The following GRID2 variants were observed in gnomAD, a reference collection of about 807,000 sequenced individuals.
GRID2 encodes glutamate ionotropic receptor delta type subunit 2, also known as glutamate receptor ionotropic, delta-2.
GRID2 carries 33 observed loss-of-function variants against 114.8 expected under a neutral mutation model. The observed-to-expected ratio is 0.29, with a 90% CI of 0.22 to 0.38. The LOEUF is 0.38. GRID2 is among the 10% of genes least tolerant of loss of function. The pLI, the probability that GRID2 is intolerant of heterozygous loss-of-function variation, is 1.00. For missense variants in GRID2, 1,184 were observed against 1,257.7 expected (o/e 0.94, Z 0.89); for synonymous variants, 505 against 449.9 (o/e 1.12, Z -1.55).
At chr4:92,766,848 A>G (rs1738293970) in intron 2 of GRID2, among the ~76,000 whole-genome samples, 1 of 152,152 alleles carries the variant, frequency 6.6e-6, no homozygotes, top group Non-Finnish European at 1.5e-5. Context: ...TCACAGATTG[A>G]TTTTAGATGT....
At chr4:93,296,292 A>T (rs988969379) in intron 8 of GRID2, among the ~76,000 whole-genome samples, 5 of 151,562 alleles carry the variant, frequency 3.3e-5, no homozygotes, top group African/African-American at 4.8e-5. Flanking sequence ...GGATTTACGG[A>T]TCCCCCCCTC....
At chr4:93,570,966 C>G (rs1052237043) in intron 13 of GRID2, among the ~76,000 whole-genome samples, 1 of 152,108 alleles carries the variant, frequency 6.6e-6, no homozygotes, top group African/African-American at 2.4e-5. Context: ...GCCTTTCTTT[C>G]ATTCATCCAT....
intron 14 of GRID2, among the ~76,000 whole-genome samples, chr4:93,671,483 C>T (rs1442875269): frequency 6.6e-6 from 1 of 152,060 alleles, no homozygotes; most frequent in African/African-American, 2.4e-5. Context: ...TGGGTGTGAG[C>T]TCTGCCACTG....
chr4:92,592,718 T>G (rs1250992653), intron 2 of GRID2, among the ~76,000 whole-genome samples: 2 of 152,098 alleles, frequency 1.3e-5, no homozygotes, highest in African/African-American at 4.8e-5. Context: ...CTTTGGGTAA[T>G]AAACCTGAAA....
At chr4:92,314,045 T>A (rs1454996874) in intron 1 of GRID2, among the ~76,000 whole-genome samples, 1 of 152,140 alleles carries the variant, frequency 6.6e-6, no homozygotes, top group African/African-American at 2.4e-5. Context: ...TCAACTTATA[T>A]AATTCCTGAG....
At chr4:93,703,849 T>A (rs1293280679) in intron 14 of GRID2, among the ~76,000 whole-genome samples, 3 of 152,140 alleles carry the variant, frequency 2.0e-5, no homozygotes, top group Non-Finnish European at 4.4e-5. Context: ...GGCTGCATAG[T>A]ATTCCATGGT....
chr4:92,984,084 A>G lies in GRID2; in HGVS notation c.245-100911A>G, dbSNP rs547194991. On this transcript the variant is annotated intron_variant, in intron 2 of 15. Coordinates refer to ENST00000282020, the MANE Select transcript of GRID2 (RefSeq NM_001510.4). ...ATCTGTGATGTTTCTTCTAATTCAA[A>G]TAAAGTACAGCTATAAATATTTTTC... 7.2e-5 allele frequency among the ~76,000 whole-genome samples: 11 copies of G among 152,324 alleles called. No homozygotes were observed. The South Asian group carries it at 8.3e-4, about 11-fold the overall frequency.
chr4:93,594,556 C>T (rs1017831994), intron 13 of GRID2, among the ~76,000 whole-genome samples: 3 of 152,168 alleles, frequency 2.0e-5, no homozygotes, highest in African/African-American at 7.2e-5. Flanking sequence ...GGCAGGCAGG[C>T]CTCCTTGAGC....
At chr4:93,314,188 C>T (rs745634680) in intron 8 of GRID2, among the ~76,000 whole-genome samples, 25 of 151,344 alleles carry the variant, frequency 1.7e-4, no homozygotes, top group Non-Finnish European at 3.2e-4. Flanking sequence ...GCCTGTAGTC[C>T]CAGCTACTCA....
intron 1 of GRID2, among the ~76,000 whole-genome samples, chr4:92,472,940 G>T (rs1722115363): frequency 6.6e-6 from 1 of 151,750 alleles, no homozygotes; most frequent in Admixed American, 6.6e-5. Flanking sequence ...TTTTTTATGG[G>T]CTTTTATTTT....
chr4:92,767,666 G>A (rs1049910054), intron 2 of GRID2, among the ~76,000 whole-genome samples: 2 of 151,962 alleles, frequency 1.3e-5, no homozygotes, highest in African/African-American at 4.8e-5. Context: ...CAGGAGAATC[G>A]CTTGAACCTG....
At chr4:93,215,924 A>G (rs1203650115) in intron 5 of GRID2, among the ~76,000 whole-genome samples, 1 of 152,080 alleles carries the variant, frequency 6.6e-6, no homozygotes, top group East Asian at 1.9e-4. Flanking sequence ...CAAAGACTTC[A>G]TTCGTTGTAA....
intron 14 of GRID2, among the ~76,000 whole-genome samples, chr4:93,632,333 G>T (rs1185107095): frequency 3.3e-5 from 5 of 152,116 alleles, no homozygotes; most frequent in African/African-American, 4.8e-5. Context: ...TTTCTTCTAG[G>T]GTTTTTATGG....
At position 92,499,560 on chromosome 4, in the gene GRID2, A is replaced by G. The variant is rs538367728; in HGVS notation, c.89-90571A>G. Reference sequence around the variant, plus strand: ...CAAATGGAAGAAGCTCATATTGAGCATTTTAAATAAATAGTGTAGGTAGGT... The same window carrying G: ...CAAATGGAAGAAGCTCATATTGAGCGTTTTAAATAAATAGTGTAGGTAGGT... On this transcript the variant is annotated intron_variant, in intron 1 of 15. Coordinates refer to ENST00000282020, the MANE Select transcript of GRID2 (RefSeq NM_001510.4). Among the ~76,000 whole-genome samples the G allele has an allele frequency of 2.0e-5, 3 of 152,302 alleles. No individual in the cohort carries two copies. In the East Asian group the frequency reaches 5.8e-4, roughly 29 times the overall value.
intron 2 of GRID2, among the ~76,000 whole-genome samples, chr4:92,876,259 C>A (rs1057382674): frequency 2.7e-5 from 4 of 150,354 alleles, no homozygotes; most frequent in Non-Finnish European, 5.9e-5. Context: ...ATTAAAAAAA[C>A]CCAATTATCT....
intron 2 of GRID2, among the ~76,000 whole-genome samples, chr4:92,686,067 ACT>A (rs774856524): frequency 6.8e-4 from 104 of 152,004 alleles, no homozygotes; most frequent in African/African-American, 2.5e-3. Context: ...AAGCTGAATG[ACT>A]CTCTCTGTAA....
At chr4:92,576,475 G>A (rs1387564817) in intron 1 of GRID2, among the ~76,000 whole-genome samples, 1 of 152,200 alleles carries the variant, frequency 6.6e-6, no homozygotes, top group Non-Finnish European at 1.5e-5. Context: ...AGTTGGGCCT[G>A]AAGACTGGCA....
intron 1 of GRID2, among the ~76,000 whole-genome samples, chr4:92,318,507 C>CTTTTTTTTT (rs34235006): frequency 3.1e-5 from 2 of 64,394 alleles, no homozygotes; most frequent in Non-Finnish European, 5.5e-5. Flanking sequence ...TATGCCAGGA[C>CTTTTTTTTT]TTTTTTTTTT....
At chr4:93,510,413 G>GA (rs374182812) in intron 12 of GRID2, among the ~76,000 whole-genome samples, 1 of 151,958 alleles carries the variant, frequency 6.6e-6, no homozygotes, top group Non-Finnish European at 1.5e-5. Context: ...AGGAAGATAG[G>GA]AAAAAAATAT....
Sources: allele counts gnomAD v4.1 joint callset (sites outside exome capture counted in the v4.1 genomes callset), GRCh38; gene constraint gnomAD v4.1.1; transcripts MANE v1.5; gene names NCBI Gene and HGNC (gene_info 2026-07-23, HGNC 2026-07-21).